TBCA: variants seen among roughly 807,000 people sequenced by gnomAD.
TBCA encodes tubulin-specific chaperone A.
TBCA carries 6 observed loss-of-function variants against 15.8 expected under a neutral mutation model. The observed-to-expected ratio is 0.38, with a 90% CI of 0.21 to 0.75. The LOEUF is 0.75. Ranked by LOEUF, TBCA falls within the 30% of genes least tolerant of loss-of-function variation. The pLI is 0.46. For synonymous variants in TBCA, 32 were observed against 42.3 expected (o/e 0.76, Z 0.94); for missense variants, 90 against 131.2 (o/e 0.69, Z 1.53).
chr5:77,722,543 T>G (rs1438101915), intron 1 of TBCA, among the ~76,000 whole-genome samples: 1 of 152,010 alleles, frequency 6.6e-6, no homozygotes, highest in Non-Finnish European at 1.5e-5. Flanking sequence ...ACTCTTCCCC[T>G]CTTAAAGGTT....
chr5:77,736,732 C>CT (rs1027384504), intron 1 of TBCA, among the ~76,000 whole-genome samples: 3 of 152,174 alleles, frequency 2.0e-5, no homozygotes, highest in African/African-American at 7.2e-5. Flanking sequence ...CCATCTCTTC[C>CT]TGGAAGTCTT....
intron 2 of TBCA, among the ~76,000 whole-genome samples, chr5:77,699,936 G>T (rs1745968502): frequency 6.6e-6 from 1 of 150,968 alleles, no homozygotes; most frequent in South Asian, 2.1e-4. Context: ...TACTAGGGAG[G>T]CTGAGGCAGG....
intron 1 of TBCA, among the ~76,000 whole-genome samples, chr5:77,719,051 A>T (rs1190631034): frequency 6.6e-6 from 1 of 152,174 alleles, no homozygotes; most frequent in East Asian, 1.9e-4. Context: ...GTGTGAAAAT[A>T]TGTCTCATAT....
intron 1 of TBCA, among the ~76,000 whole-genome samples, chr5:77,711,505 A>G (rs1208684215): frequency 1.3e-5 from 2 of 152,184 alleles, no homozygotes; most frequent in African/African-American, 4.8e-5. Flanking sequence ...ATCTTCCTAC[A>G]TAGTAGGCAC....
intron 1 of TBCA, among the ~76,000 whole-genome samples, chr5:77,726,682 T>C (rs546118082): frequency 2.0e-5 from 3 of 152,316 alleles, no homozygotes; most frequent in African/African-American, 4.8e-5. Flanking sequence ...AGCTTCCAGT[T>C]TGAAGAGAGT....
At chr5:77,771,323 A>G (rs2112521006) in intron 1 of TBCA, among the ~76,000 whole-genome samples, 1 of 152,304 alleles carries the variant, frequency 6.6e-6, no homozygotes, top group Admixed American at 6.5e-5. Context: ...GAAGATATTT[A>G]AGGAGCCCTC....
At chr5:77,762,756 C>T (rs13175351) in intron 1 of TBCA, among the ~76,000 whole-genome samples, 16,222 of 152,176 alleles carry the variant, frequency 0.11, 930 homozygotes, top group Middle Eastern at 0.13. Context: ...ACACCCTTAA[C>T]TAAGTGCACA....
At chr5:77,746,168 C>A (rs1168537657) in intron 1 of TBCA, among the ~76,000 whole-genome samples, 1 of 152,132 alleles carries the variant, frequency 6.6e-6, no homozygotes, top group Non-Finnish European at 1.5e-5. Flanking sequence ...GTAGCTCAGA[C>A]CTGTAATCCC....
At chr5:77,746,419 T>G (rs974398177) in intron 1 of TBCA, among the ~76,000 whole-genome samples, 1 of 152,190 alleles carries the variant, frequency 6.6e-6, no homozygotes, top group Non-Finnish European at 1.5e-5. Flanking sequence ...TTTAACTATA[T>G]AGAAAGTATT....
Position 77,750,038 on chromosome 5 carries a change from C to T in TBCA, c.53+26167G>A, listed in dbSNP as rs184210054. ...ACACCAAAAAATGAATAATGATGTT[C>T]GCTCCAGGAGGGTTTCTCAGCTGGG... is the stretch of plus-strand genomic sequence containing the variant. On this transcript the variant is annotated intron_variant, in intron 1 of 3. Coordinates refer to ENST00000380377, the MANE Select transcript of TBCA (RefSeq NM_004607.3). Among the ~76,000 whole-genome samples, 38 of 152,018 alleles carry T rather than the reference C, an allele frequency of 2.5e-4. 1 individual carries two copies. In the East Asian group the frequency reaches 6.6e-3, roughly 26 times the overall value.
At position 77,701,254 on chromosome 5, in the gene TBCA, T is replaced by G. The variant is rs575692891; in HGVS notation, c.159+6988A>C. Among the ~76,000 whole-genome samples the G allele has an allele frequency of 3.9e-5, 6 of 152,096 alleles. No individual in the cohort carries two copies. The East Asian group carries it at 1.2e-3, about 29-fold the overall frequency. On this transcript the variant is annotated intron_variant, in intron 2 of 3. Coordinates refer to ENST00000380377, the MANE Select transcript of TBCA (RefSeq NM_004607.3). ...ATCCCATCAAAAAGTGGGCTAACGATATGAATAGACAATTCTCAAAAGAAG... is the reference window on the plus strand; with the variant it reads ...ATCCCATCAAAAAGTGGGCTAACGAGATGAATAGACAATTCTCAAAAGAAG...
intron 2 of TBCA, 102 bp from the exon 3 acceptor site, chr5:77,693,454 A>T: frequency 7.6e-7 from 1 of 1,322,022 alleles, no homozygotes; most frequent in Non-Finnish European, 1.0e-6. Flanking sequence ...ATCAGAAAAA[A>T]GTTATGGTTA....
intron 1 of TBCA, among the ~76,000 whole-genome samples, chr5:77,725,513 G>A (rs1008753537): frequency 6.6e-6 from 1 of 152,208 alleles, no homozygotes; most frequent in Admixed American, 6.5e-5. Context: ...AATAGAGTTT[G>A]AAAATATCGC....
Position 77,702,454 on chromosome 5 carries a change from G to C in TBCA, c.159+5788C>G, listed in dbSNP as rs186685781. On this transcript the variant is annotated intron_variant, in intron 2 of 3. Coordinates refer to ENST00000380377, the MANE Select transcript of TBCA (RefSeq NM_004607.3). ...TTACATACTGTAGATTCCATTCTAC[G>C]TTATGTGACATTCTTGAGGCAGTGT... is the stretch of plus-strand genomic sequence containing the variant. 8.5e-5 allele frequency among the ~76,000 whole-genome samples: 13 copies of C among 152,264 alleles called. No homozygotes were observed. The East Asian group carries it at 9.6e-4, about 11-fold the overall frequency.
At chr5:77,758,382 CCT>C (rs1747526406) in intron 1 of TBCA, among the ~76,000 whole-genome samples, 1 of 152,150 alleles carries the variant, frequency 6.6e-6, no homozygotes, top group Admixed American at 6.5e-5. Flanking sequence ...TTTGAAACTC[CCT>C]GTTCTGTTCT....
At chr5:77,738,540 C>T (rs1746962907) in intron 1 of TBCA, among the ~76,000 whole-genome samples, 1 of 152,204 alleles carries the variant, frequency 6.6e-6, no homozygotes, top group Non-Finnish European at 1.5e-5. Flanking sequence ...GGCTATGATT[C>T]TGCTTGTTGA....
At chr5:77,711,864 T>C (rs1296565935) in intron 1 of TBCA, among the ~76,000 whole-genome samples, 2 of 152,102 alleles carry the variant, frequency 1.3e-5, no homozygotes, top group Non-Finnish European at 2.9e-5. Flanking sequence ...ATTTGCATGG[T>C]TATTGGAATA....
chr5:77,752,657 C>T (rs1580128902), intron 1 of TBCA, among the ~76,000 whole-genome samples: 1 of 114,536 alleles, frequency 8.7e-6, no homozygotes, highest in East Asian at 2.9e-4. Context: ...TTCCCGGGTT[C>T]ACGCCATTCT....
intron 1 of TBCA, among the ~76,000 whole-genome samples, chr5:77,749,062 T>G (rs1199272870): frequency 1.3e-5 from 2 of 152,222 alleles, no homozygotes; most frequent in Admixed American, 6.5e-5. Flanking sequence ...TTTCTCTGCT[T>G]CTTTGGGGCA....
Sources: allele counts gnomAD v4.1 joint callset (sites outside exome capture counted in the v4.1 genomes callset), GRCh38; gene constraint gnomAD v4.1.1; transcripts MANE v1.5; gene names NCBI Gene and HGNC (gene_info 2026-07-23, HGNC 2026-07-21).